SASH1: variants seen among roughly 807,000 people sequenced by gnomAD.
SASH1 encodes SAM and SH3 domain containing 1.
In SASH1, 44 loss-of-function variants were observed where a neutral mutation model predicts 125.2. That is an observed-to-expected ratio of 0.35 (90% CI 0.28 to 0.45). The LOEUF is 0.45. Ranked by LOEUF, SASH1 falls within the 20% of genes least tolerant of loss-of-function variation. The pLI is 1.00. For missense variants in SASH1, 1,426 were observed against 1,614.5 expected (o/e 0.88, Z 2.00); for synonymous variants, 639 against 649.1 (o/e 0.98, Z 0.24).
intron 1 of SASH1, among the ~76,000 whole-genome samples, chr6:148,282,998 A>T (rs766131208): frequency 1.3e-5 from 2 of 152,192 alleles, no homozygotes; most frequent in African/African-American, 2.4e-5. Flanking sequence ...GAATACATCC[A>T]TGTATCCCAA....
At chr6:148,543,047 A>AGTT (rs1416212374) in intron 17 of SASH1, among the ~76,000 whole-genome samples, 1 of 152,224 alleles carries the variant, frequency 6.6e-6, no homozygotes, top group Non-Finnish European at 1.5e-5. Context: ...TCAGTCTGGC[A>AGTT]GTTGTAACTA....
intron 2 of SASH1, among the ~76,000 whole-genome samples, chr6:148,438,814 C>T (rs961778791): frequency 6.6e-6 from 1 of 150,904 alleles, no homozygotes; most frequent in Non-Finnish European, 1.5e-5. Context: ...CCCAAGTGTG[C>T]GGTGCAGCGT....
intron 8 of SASH1, among the ~76,000 whole-genome samples, chr6:148,500,435 G>T (rs1779518778): frequency 6.6e-6 from 1 of 152,158 alleles, no homozygotes; most frequent in Non-Finnish European, 1.5e-5. Flanking sequence ...GTAGAACATA[G>T]CCATTCTGCC....
chr6:148,546,733 C>T (rs950687422), intron 19 of SASH1, among the ~76,000 whole-genome samples: 10 of 152,146 alleles, frequency 6.6e-5, no homozygotes, highest in Non-Finnish European at 1.2e-4. Flanking sequence ...CAACACACCA[C>T]GTTTTACACC....
chr6:148,297,747 T>C (rs1239723716), intron 1 of SASH1, among the ~76,000 whole-genome samples: 1 of 151,014 alleles, frequency 6.6e-6, no homozygotes, highest in Non-Finnish European at 1.5e-5. Context: ...GGAGAATTGC[T>C]TGAACCTGGG....
chr6:148,373,293 G>A (rs976151034), intron 1 of SASH1, among the ~76,000 whole-genome samples: 4 of 152,174 alleles, frequency 2.6e-5, no homozygotes, highest in African/African-American at 4.8e-5. Flanking sequence ...AGTAATATCC[G>A]CAGAGGATGA....
intron 2 of SASH1, among the ~76,000 whole-genome samples, chr6:148,436,342 AAGT>A (rs1279961008): frequency 6.6e-6 from 1 of 151,862 alleles, no homozygotes; most frequent in Non-Finnish European, 1.5e-5. Context: ...AGTACAAAAA[AAGT>A]AGCCAGGCAT....
At chr6:148,429,885 A>G (rs775131155) in intron 2 of SASH1, among the ~76,000 whole-genome samples, 2 of 152,216 alleles carry the variant, frequency 1.3e-5, no homozygotes, top group Non-Finnish European at 2.9e-5. Flanking sequence ...TGCTAAGTAA[A>G]TAGATTTTGA....
chr6:148,262,865 C>T, the SASH1 span, among the ~76,000 whole-genome samples: 1 of 152,132 alleles, frequency 6.6e-6, no homozygotes, highest in Non-Finnish European at 1.5e-5. Context: ...AAGAGTAAGA[C>T]TCTGTCTCAA....
chr6:148,442,735 T>C (rs1776599172), intron 4 of SASH1, among the ~76,000 whole-genome samples: 1 of 152,126 alleles, frequency 6.6e-6, no homozygotes, highest in South Asian at 2.1e-4. Flanking sequence ...AATACATAGT[T>C]TCTATTCAAG....
intron 1 of SASH1, among the ~76,000 whole-genome samples, chr6:148,329,360 C>G (rs1029122410): frequency 2.0e-5 from 3 of 152,190 alleles, no homozygotes; most frequent in African/African-American, 7.2e-5. Flanking sequence ...CTCATTCAGG[C>G]CAGCACTAGC....
chr6:148,443,498 ATATG>A (rs1045962634), intron 4 of SASH1, among the ~76,000 whole-genome samples: 1 of 147,708 alleles, frequency 6.8e-6, no homozygotes, highest in Non-Finnish European at 1.5e-5. Context: ...TATTTTATAT[ATATG>A]TATGTATGTA....
chr6:148,431,352 C>G (rs761337354), intron 2 of SASH1, among the ~76,000 whole-genome samples: 39 of 152,216 alleles, frequency 2.6e-4, no homozygotes, highest in Non-Finnish European at 4.0e-4. Flanking sequence ...ATGCCGGCCT[C>G]CACGCCCGGC....
rs772782237 is a variant in SASH1 at position 148,548,417 on chromosome 6, G to A, written c.3603G>A (p.Ala1201=). The part of the protein sequence containing the change: ...LPMYAGTLST[A]GFSTLSQVPS... The stretch of plus-strand genomic sequence containing the variant: ...TGTACGCCGGCACCCTCTCCACCGC[G>A]GGCTTCAGCACACTGAGCCAAGTGC... Residue 1201 remains alanine (A), a synonymous_variant, in exon 20 of 20, where the codon GCG becomes GCA. Coordinates refer to ENST00000367467, the MANE Select transcript of SASH1 (RefSeq NM_015278.5). 19 of 1,614,038 alleles carry A rather than the reference G, an allele frequency of 1.2e-5. No individual in the cohort carries two copies. The highest frequency in any genetic ancestry group is 1.5e-5 in the Non-Finnish European group (18 of 1,180,042).
At chr6:148,247,632 G>A in the SASH1 span, among the ~76,000 whole-genome samples, 1 of 152,152 alleles carries the variant, frequency 6.6e-6, no homozygotes, top group Admixed American at 6.5e-5. Flanking sequence ...CCTAAAATCT[G>A]GTTTTACTGG....
At chr6:148,214,931 C>T in the SASH1 span, among the ~76,000 whole-genome samples, 4 of 152,272 alleles carry the variant, frequency 2.6e-5, no homozygotes, top group South Asian at 8.3e-4. Context: ...CACTCTGGGG[C>T]CATCCCTGCC....
chr6:148,388,557 A>AC lies in SASH1; in HGVS notation c.157-1576dup, dbSNP rs1783573804. On this transcript the variant is annotated intron_variant, in intron 1 of 19. Transcript: ENST00000367467. ...TTGAGGCAATCAGCTCAAATGCAGAACATGTTATTGGTGGGGAAGCAAGGA... is the reference window on the plus strand; with the variant it reads ...TTGAGGCAATCAGCTCAAATGCAGAACCATGTTATTGGTGGGGAAGCAAGGA... Among the ~76,000 whole-genome samples the AC allele has an allele frequency of 1.1e-4, 17 of 152,322 alleles. No individual in the cohort carries two copies. In the South Asian group the frequency reaches 3.5e-3, roughly 32 times the overall value.
intron 1 of SASH1, among the ~76,000 whole-genome samples, chr6:148,356,070 G>GTTTTTTT (rs200129121): frequency 3.6e-5 from 5 of 139,798 alleles, no homozygotes; most frequent in Non-Finnish European, 3.1e-5. Context: ...GTATCATTCT[G>GTTTTTTT]TTTTTTTTTT....
intron 2 of SASH1, among the ~76,000 whole-genome samples, chr6:148,436,496 C>A (rs1247134461): frequency 2.0e-5 from 3 of 151,442 alleles, no homozygotes; most frequent in Admixed American, 6.6e-5. Context: ...CAGAATGAGA[C>A]CTTGTCTCAA....
Sources: gnomAD v4.1 joint callset for allele counts (sites outside exome capture counted in the v4.1 genomes callset) on GRCh38, gnomAD v4.1.1 for gene constraint, MANE v1.5 for transcripts, NCBI Gene and HGNC (gene_info 2026-07-23, HGNC 2026-07-21) for gene names.